The following PLB1 variants were observed in gnomAD, a reference collection of about 807,000 sequenced individuals.
PLB1 encodes the protein phospholipase B1, membrane-associated.
Under a neutral mutation model 227.4 loss-of-function variants are expected in PLB1, and 242 were observed. The ratio of observed to expected loss-of-function variants is 1.06; its 90% CI spans 0.96 to 1.18. PLB1 has a LOEUF of 1.18. Ranked by LOEUF, PLB1 falls within the 50% of genes most tolerant of loss-of-function variation. PLB1 has a pLI of 0.00. For missense variants in PLB1, 1,858 were observed against 1,816.3 expected, an observed-to-expected ratio of 1.02 and a Z score of -0.42; for synonymous variants, 757 against 682.2, an observed-to-expected ratio of 1.11 and a Z score of -1.71.
In PLB1 at chr2:28,601,342, G is replaced by T. The variant is rs1342889258; in HGVS notation, c.2607+10G>T. On this transcript the variant is annotated intron_variant, in intron 37 of 57. Transcript: ENST00000327757. Reference sequence around the variant, plus strand: ...CTACTGCACAGATTCGGTAATTGGGGCCAGGTCCAGGCCTACTTGTTGTTC... The same window carrying T: ...CTACTGCACAGATTCGGTAATTGGGTCCAGGTCCAGGCCTACTTGTTGTTC... 1 of 1,611,920 alleles carries T rather than the reference G, an allele frequency of 6.2e-7. No individual in the cohort carries two copies.
At chr2:28,581,482 C>CAAA (rs149826765) in intron 23 of PLB1, among the ~76,000 whole-genome samples, 12 of 58,310 alleles carry the variant, frequency 2.1e-4, no homozygotes, top group African/African-American at 1.0e-3. Flanking sequence ...GAGCTCCACG[C>CAAA]AAAAAAATAA....
intron 56 of PLB1, among the ~76,000 whole-genome samples, chr2:28,636,520 C>A (rs1689381514): frequency 6.6e-6 from 1 of 152,086 alleles, no homozygotes; most frequent in South Asian, 2.1e-4. Flanking sequence ...CCAAAAGATA[C>A]ACACAAAAAT....
intron 4 of PLB1, among the ~76,000 whole-genome samples, chr2:28,522,146 T>C (rs1486486213): frequency 6.6e-6 from 1 of 151,862 alleles, no homozygotes; most frequent in African/African-American, 2.4e-5. Flanking sequence ...TCACCACATT[T>C]ATCAATGCCA....
chr2:28,569,977 A>AG (rs1361555108), intron 20 of PLB1, among the ~76,000 whole-genome samples: 4 of 116,476 alleles, frequency 3.4e-5, no homozygotes, highest in African/African-American at 1.1e-4. Context: ...AAAAAAAAAA[A>AG]AAGAAAGAAA....
intron 11 of PLB1, among the ~76,000 whole-genome samples, chr2:28,539,780 G>A (rs966182691): frequency 1.1e-4 from 17 of 151,940 alleles, no homozygotes; most frequent in Non-Finnish European, 2.2e-4. Context: ...GGAGGGAAAG[G>A]GGAATGGGAT....
chr2:28,496,135 T>C lies in PLB1; in HGVS notation c.21T>C (p.Ile7=). The part of the protein sequence containing the change: MGLRPG[I]FLLELLLLLG... ...CTGGCATGGGGCTGCGGCCAGGCAT[T>C]TTCCTCCTGGAGCTGCTGCTGCTTC... Residue 7 remains isoleucine, a synonymous_variant, in exon 1 of 58, where the codon ATT becomes ATC. Transcript: ENST00000327757. 6.2e-7 allele frequency: 1 copy of C among 1,614,070 alleles called. No homozygotes were observed. Among genetic ancestry groups the C allele is most frequent in the Non-Finnish European group, 8.5e-7 (1 of 1,180,020 alleles).
In PLB1 at chr2:28,642,862, G is replaced by T. The variant is rs1007999054; in HGVS notation, c.4178G>T (p.Ser1393Ile). ...RAKLKCPSPE[S>I]PYLYTLRNSR... The stretch of plus-strand genomic sequence containing the variant: ...ACCCCCGCTCCTCCTCCACAGGAGA[G>T]CCCTTACCTCTACACCCTGCGGAAC... Residue 1393 changes from serine (S) to isoleucine (I), a missense_variant, in exon 58 of 58, where the codon AGC becomes ATC. Transcript: ENST00000327757. 1.3e-6 allele frequency: 2 copies of T among 1,596,178 alleles called. No individual in the cohort carries two copies. Among genetic ancestry groups the T allele is most frequent in the Admixed American group, 1.7e-5 (1 of 57,992 alleles).
At chr2:28,597,751 A>T (rs1683198976) in intron 33 of PLB1, among the ~76,000 whole-genome samples, 2 of 152,210 alleles carry the variant, frequency 1.3e-5, no homozygotes, top group African/African-American at 2.4e-5. Context: ...GTATATACTC[A>T]GCTAAGCATT....
intron 17 of PLB1, among the ~76,000 whole-genome samples, chr2:28,555,712 G>A (rs994561667): frequency 2.6e-5 from 4 of 152,064 alleles, no homozygotes; most frequent in African/African-American, 9.7e-5. Flanking sequence ...TAATCTGAAT[G>A]AGCATTTCTA....
At chr2:28,602,070 C>A in intron 38 of PLB1, 106 bp downstream of exon 38, 3 of 1,125,142 alleles carry the variant, frequency 2.7e-6, no homozygotes, top group Non-Finnish European at 4.0e-6. Context: ...AAGGAGACAG[C>A]CAGGGGCATG....
chr2:28,634,559 T>C (rs371996152), intron 56 of PLB1, among the ~76,000 whole-genome samples: 150 of 152,306 alleles, frequency 9.8e-4, no homozygotes, highest in African/African-American at 3.3e-3. Flanking sequence ...TGGATAGCCA[T>C]AGTGACGGCT....
chr2:28,564,094 A>T (rs1338128559), intron 18 of PLB1, among the ~76,000 whole-genome samples: 1 of 152,148 alleles, frequency 6.6e-6, no homozygotes, highest in African/African-American at 2.4e-5. Flanking sequence ...AAAAGAAAAA[A>T]AATTAAGCAT....
At chr2:28,638,140 G>A (rs1458058512) in intron 56 of PLB1, among the ~76,000 whole-genome samples, 1 of 151,960 alleles carries the variant, frequency 6.6e-6, no homozygotes, top group East Asian at 1.9e-4. Flanking sequence ...ATACAGGATA[G>A]TAGGGAAAAG....
chr2:28,632,088 T>C lies in PLB1; in HGVS notation c.3950T>C (p.Phe1317Ser). Residue 1317 changes from phenylalanine (F) to serine (S), a missense_variant, in exon 55 of 58, where the codon TTT (phenylalanine) becomes TCT (serine). Transcript: ENST00000327757. Reference sequence around the variant, plus strand: ...CACCAATACACACAGCGTGAGGACTTTGCGGTTGTGGTGCAGCCTTTCTTC... The same window carrying C: ...CACCAATACACACAGCGTGAGGACTCTGCGGTTGTGGTGCAGCCTTTCTTC... Reference protein sequence around the residue: ...YWHQYTQREDFAVVVQPFFQN... With the variant: ...YWHQYTQREDSAVVVQPFFQN... 1 of 1,614,134 alleles carries C rather than the reference T, an allele frequency of 6.2e-7. No individual in the cohort carries two copies. Among genetic ancestry groups the C allele is most frequent in the Non-Finnish European group, 8.5e-7 (1 of 1,180,006 alleles).
At chr2:28,602,026 G>T in intron 38 of PLB1, 62 bp downstream of exon 38, 1 of 1,412,986 alleles carries the variant, frequency 7.1e-7, no homozygotes, top group Non-Finnish European at 1.0e-6. Flanking sequence ...AAGGTGGATG[G>T]GGGGAAAGAA....
chr2:28,637,656 C>T (rs180832693), intron 56 of PLB1, among the ~76,000 whole-genome samples: 5 of 152,340 alleles, frequency 3.3e-5, no homozygotes, highest in South Asian at 2.1e-4. Flanking sequence ...TTTCCACCAG[C>T]GTCTGCCTCG....
At chr2:28,633,251 C>G (rs73924324) in intron 56 of PLB1, 4 of 546,626 alleles carry the variant, frequency 7.3e-6, no homozygotes, top group Non-Finnish European at 1.3e-5. Flanking sequence ...AACACACACT[C>G]ACACAACTTT....
rs1358384337 is a variant in PLB1, at chr2:28,643,080, A to C, written c.*19A>C. 3.8e-6 allele frequency: 6 copies of C among 1,571,146 alleles called. No homozygotes were observed. Among genetic ancestry groups the C allele is most frequent in the Non-Finnish European group, 3.5e-6 (4 of 1,157,524 alleles). The stretch of plus-strand genomic sequence containing the variant: ...CCTCTAGGCCCGGGGGTGGGTCCTC[A>C]CCCTAAACTCCCTATAGCCACTCTC... On this transcript the variant is annotated 3_prime_UTR_variant, in exon 58 of 58. Coordinates refer to ENST00000327757, the MANE Select transcript of PLB1 (RefSeq NM_153021.5).
intron 17 of PLB1, among the ~76,000 whole-genome samples, chr2:28,559,812 C>G (rs374557586): frequency 8.0e-6 from 1 of 125,748 alleles, no homozygotes; most frequent in Non-Finnish European, 1.6e-5. Flanking sequence ...ATTGCAGTGG[C>G]GCAATCTCGG....
Sources: gnomAD v4.1 joint callset for allele counts (sites outside exome capture counted in the v4.1 genomes callset) on GRCh38, gnomAD v4.1.1 for gene constraint, MANE v1.5 for transcripts, NCBI Gene and HGNC (gene_info 2026-07-23, HGNC 2026-07-21) for gene names.